Variants in DLC1 observed in about 807,000 individuals in gnomAD.
DLC1 encodes the protein rho GTPase-activating protein 7.
DLC1 carries 54 observed loss-of-function variants against 140.3 expected under a neutral mutation model. The observed-to-expected ratio is 0.38, with a 90% CI of 0.31 to 0.48. The LOEUF (loss-of-function observed/expected upper bound fraction) is 0.48. Ranked by LOEUF, DLC1 falls within the 20% of genes least tolerant of loss-of-function variation. The pLI is 0.96. For synonymous variants in DLC1, 986 were observed against 728.1 expected, an observed-to-expected ratio of 1.35 and a Z score of -5.70; for missense variants, 2,536 against 1,907.0, an observed-to-expected ratio of 1.33 and a Z score of -6.14.
chr8:13,103,839 C>CA (rs1002564334), intron 7 of DLC1, among the ~76,000 whole-genome samples: 12,037 of 60,502 alleles, frequency 0.2, 2,316 homozygotes, highest in African/African-American at 0.5. Context: ...GACTCCATCT[C>CA]AAAAAAAAAA....
At chr8:13,568,700 A>C (rs926795454) in intron 1 of DLC1, among the ~76,000 whole-genome samples, 6 of 152,228 alleles carry the variant, frequency 3.9e-5, no homozygotes, top group Admixed American at 1.3e-4. Flanking sequence ...CAAGTGGATC[A>C]AGGAAATCAG....
intron 4 of DLC1, among the ~76,000 whole-genome samples, chr8:13,350,194 T>C (rs1400431938): frequency 6.6e-6 from 1 of 152,182 alleles, no homozygotes; most frequent in African/African-American, 2.4e-5. Context: ...TTACAAAATA[T>C]ATTTCCTTCT....
intron 5 of DLC1, among the ~76,000 whole-genome samples, chr8:13,280,355 T>C (rs1831323808): frequency 6.6e-6 from 1 of 151,596 alleles, no homozygotes; most frequent in Non-Finnish European, 1.5e-5. Context: ...GTTTGCAGTT[T>C]CTTATTTCTG....
At chr8:13,093,805 G>C (rs1818281994) in intron 12 of DLC1, among the ~76,000 whole-genome samples, 1 of 152,154 alleles carries the variant, frequency 6.6e-6, no homozygotes, top group Non-Finnish European at 1.5e-5. Flanking sequence ...GACAATTTGA[G>C]CGCTAAGAGA....
At chr8:13,175,928 A>AT (rs1458697325) in intron 5 of DLC1, among the ~76,000 whole-genome samples, 1 of 151,852 alleles carries the variant, frequency 6.6e-6, no homozygotes, top group East Asian at 1.9e-4. Flanking sequence ...CATTTCTATA[A>AT]TTTTTTCATT....
chr8:13,428,912 C>T (rs1678320189), intron 2 of DLC1, among the ~76,000 whole-genome samples: 1 of 152,214 alleles, frequency 6.6e-6, no homozygotes, highest in Admixed American at 6.5e-5. Context: ...GATCAGGCTA[C>T]AGGGCAACCT....
intron 2 of DLC1, among the ~76,000 whole-genome samples, chr8:13,403,906 G>T (rs193265082): frequency 6.9e-6 from 1 of 145,668 alleles, no homozygotes; most frequent in Admixed American, 7.3e-5. Context: ...AGATACTCTC[G>T]TCTCGGCTTC....
intron 4 of DLC1, among the ~76,000 whole-genome samples, chr8:13,373,056 C>A (rs1253054858): frequency 6.6e-6 from 1 of 152,030 alleles, no homozygotes; most frequent in Non-Finnish European, 1.5e-5. Context: ...CATTCTGTTG[C>A]TCAGACTAGA....
At chr8:13,413,980 A>C (rs570865045) in intron 2 of DLC1, among the ~76,000 whole-genome samples, 1 of 152,176 alleles carries the variant, frequency 6.6e-6, no homozygotes, top group South Asian at 2.1e-4. Context: ...AAATTACTCC[A>C]ACAAGTACAT....
chr8:13,166,059 A>G (rs142081891), intron 5 of DLC1, among the ~76,000 whole-genome samples: 1 of 152,152 alleles, frequency 6.6e-6, no homozygotes. Flanking sequence ...CACAAAACCT[A>G]TTCCCAATGA....
At chr8:13,162,532 AG>A (rs2116880626) in intron 5 of DLC1, among the ~76,000 whole-genome samples, 1 of 152,300 alleles carries the variant, frequency 6.6e-6, no homozygotes, top group East Asian at 1.9e-4. Flanking sequence ...CATGTTGGCC[AG>A]GCTGGTCTTG....
intron 1 of DLC1, among the ~76,000 whole-genome samples, chr8:13,596,046 C>T (rs1002853768): frequency 6.6e-6 from 1 of 151,940 alleles, no homozygotes; most frequent in African/African-American, 2.4e-5. Context: ...TTAAATATTT[C>T]TATGAATTAA....
chr8:13,542,671 A>G (rs1339123831), intron 1 of DLC1, among the ~76,000 whole-genome samples: 2 of 152,074 alleles, frequency 1.3e-5, no homozygotes, highest in Non-Finnish European at 2.9e-5. Flanking sequence ...ACATTTAGCA[A>G]TGTTTTATAG....
chr8:13,587,602 C>CAT (rs3066503), intron 1 of DLC1, among the ~76,000 whole-genome samples: 4,873 of 141,972 alleles, frequency 0.034, 179 homozygotes, highest in East Asian at 0.14. Context: ...ATATACATTG[C>CAT]ATATATATAT....
rs78791020 is a variant in DLC1 at position 13,510,105 on chromosome 8, C to G, written c.-126+4497G>C. ...TGAGCTGAAACTATCTCTTCTATGTCCATGATATTTCAATATAGATGAGTG... is the reference window on the plus strand; with the variant it reads ...TGAGCTGAAACTATCTCTTCTATGTGCATGATATTTCAATATAGATGAGTG... On this transcript the variant is annotated intron_variant, in intron 1 of 17. Coordinates refer to ENST00000276297, the MANE Select transcript of DLC1 (RefSeq NM_182643.3). Among the ~76,000 whole-genome samples the G allele has an allele frequency of 2.8e-3, 431 of 151,962 alleles. 3 individuals carry two copies. The highest frequency in any genetic ancestry group is 4.9e-3 in the Non-Finnish European group (335 of 67,978).
intron 5 of DLC1, among the ~76,000 whole-genome samples, chr8:13,280,420 G>A (rs768238933): frequency 2.6e-5 from 4 of 152,050 alleles, no homozygotes; most frequent in African/African-American, 4.8e-5. Flanking sequence ...CAGGGAAGCT[G>A]TGTAAACTCT....
intron 4 of DLC1, chr8:13,342,203 A>C (rs2086460081): frequency 6.6e-6 from 1 of 152,220 alleles, no homozygotes; most frequent in Admixed American, 6.5e-5. Context: ...GGTAATAGGA[A>C]CTACTTTATT....
intron 5 of DLC1, among the ~76,000 whole-genome samples, chr8:13,120,584 T>A (rs1820978378): frequency 6.6e-6 from 1 of 151,706 alleles, no homozygotes; most frequent in Non-Finnish European, 1.5e-5. Flanking sequence ...ATGATTTTTT[T>A]AAAAAACATT....
intron 4 of DLC1, among the ~76,000 whole-genome samples, chr8:13,358,815 C>T (rs1835069129): frequency 6.6e-6 from 1 of 152,148 alleles, no homozygotes; most frequent in Admixed American, 6.5e-5. Context: ...TAGGTATATA[C>T]TCAGTGACAA....
Sources: gnomAD v4.1 joint callset for allele counts (sites outside exome capture counted in the v4.1 genomes callset) on GRCh38, gnomAD v4.1.1 for gene constraint, MANE v1.5 for transcripts, NCBI Gene and HGNC (gene_info 2026-07-23, HGNC 2026-07-21) for gene names.